CUL1: variants seen among roughly 807,000 people sequenced by gnomAD.
CUL1 encodes the protein cullin-1.
CUL1 carries 24 observed loss-of-function variants against 118.0 expected under a neutral mutation model. The observed-to-expected ratio is 0.20, with a 90% CI of 0.15 to 0.29. The LOEUF is 0.29. CUL1 is among the 10% of genes least tolerant of loss of function. The probability of loss-of-function intolerance (pLI) is 1.00; values close to 1 mark genes in which losing one functional copy is unlikely to be tolerated. For synonymous variants in CUL1, 332 were observed against 340.4 expected (o/e 0.98, Z 0.27); for missense variants, 361 against 933.8 (o/e 0.39, Z 7.99).
intron 17 of CUL1, among the ~76,000 whole-genome samples, chr7:148,793,788 G>T (rs1801096413): frequency 6.6e-6 from 1 of 152,174 alleles, no homozygotes. Context: ...GAATTGCTGA[G>T]TCATGTAATA....
chr7:148,797,970 G>A lies in CUL1; in HGVS notation c.1981G>A (p.Val661Met). 3.1e-6 allele frequency: 5 copies of A among 1,612,638 alleles called. No homozygotes were observed. Among genetic ancestry groups the A allele is most frequent in the Non-Finnish European group, 4.2e-6 (5 of 1,178,976 alleles). The change falls in exon 19 of 22, where the codon GTG (valine) becomes ATG (methionine). Residue 661 changes from valine (V) to methionine (M), a missense_variant. By Grantham distance (21) the Val-to-Met change is conservative (BLOSUM62 1). Around this residue, in one of 7 missense-constraint regions of CUL1, gnomAD observed 84 missense variants for 203.3 expected, o/e 0.41. Coordinates refer to ENST00000325222, the MANE Select transcript of CUL1 (RefSeq NM_003592.3). ...AGATGAAAATGCAAATGTTGATGAG[G>A]TGGAATTGAAGCCAGATACCTTAAT... ...LEDENANVDE[V>M]ELKPDTLIKL...
intron 2 of CUL1, among the ~76,000 whole-genome samples, chr7:148,749,278 G>T (rs531437635): frequency 6.6e-6 from 1 of 151,850 alleles, no homozygotes; most frequent in Non-Finnish European, 1.5e-5. Flanking sequence ...TTAGCTGGGC[G>T]TGGTGATGCA....
At chr7:148,730,539 A>T (rs1342808419) in intron 2 of CUL1, among the ~76,000 whole-genome samples, 1 of 152,206 alleles carries the variant, frequency 6.6e-6, no homozygotes, top group Non-Finnish European at 1.5e-5. Flanking sequence ...TGTGATTAAT[A>T]AATAAAACAT....
chr7:148,759,300 C>T lies in CUL1; in HGVS notation c.484-4C>T, dbSNP rs1421735991. ...ATAGACATTTTGTACTTTTTTTTCT[C>T]CAGCTTGCATTGGTGACTTGGAGAG... On this transcript the variant is annotated splice_region_variant and splice_polypyrimidine_tract_variant and intron_variant, in intron 4 of 21. Coordinates refer to ENST00000325222, the MANE Select transcript of CUL1 (RefSeq NM_003592.3). 6.2e-7 allele frequency: 1 copy of T among 1,612,994 alleles called. No homozygotes were observed. The highest frequency in any genetic ancestry group is 8.5e-7 in the Non-Finnish European group (1 of 1,179,392).
At chr7:148,789,681 A>G in intron 14 of CUL1, 69 bp from the exon 15 acceptor site, 2 of 1,248,584 alleles carry the variant, frequency 1.6e-6, no homozygotes, top group South Asian at 2.5e-5. Context: ...GAAATGATTG[A>G]ATTTTTCAGT....
intron 7 of CUL1, among the ~76,000 whole-genome samples, chr7:148,761,050 G>C (rs1348334511): frequency 2.0e-5 from 3 of 152,096 alleles, no homozygotes; most frequent in Admixed American, 1.3e-4. Flanking sequence ...ATAGGGTCTC[G>C]CTATTTTTGT....
intron 1 of CUL1, among the ~76,000 whole-genome samples, chr7:148,725,219 G>GCGCGCGCGCACACACACACACACA: frequency 3.6e-5 from 5 of 140,150 alleles, no homozygotes; most frequent in Non-Finnish European, 6.1e-5. Context: ...ACACGCGCGC[G>GCGCGCGCGCACACACACACACACA]CTCACACACA....
At chr7:148,709,047 C>T (rs983547149) in intron 1 of CUL1, among the ~76,000 whole-genome samples, 3 of 152,068 alleles carry the variant, frequency 2.0e-5, no homozygotes, top group Non-Finnish European at 1.5e-5. Context: ...TTATGGTAAA[C>T]ATAGGTGAGC....
Position 148,786,561 on chromosome 7 carries a change from C to G in CUL1, c.1309C>G (p.Pro437Ala). 1 of 1,613,386 alleles carries G rather than the reference C, an allele frequency of 6.2e-7. No homozygotes were observed. The highest frequency in any genetic ancestry group is 8.5e-7 in the Non-Finnish European group (1 of 1,179,650). Residue 437 changes from proline (P) to alanine (A), a missense_variant, in exon 12 of 22, where the codon CCA becomes GCA. Physicochemically the swap from Pro to Ala is conservative, Grantham distance 27. Transcript: ENST00000325222. ...TTTTAAAATTTTCAGTTCCAAGAAC[C>G]CAGAGGAGGCAGAACTAGAAGACAC... ...DSLLKKSSKN[P>A]EEAELEDTLN...
chr7:148,735,236 C>T (rs925553013), intron 2 of CUL1, among the ~76,000 whole-genome samples: 3 of 152,202 alleles, frequency 2.0e-5, no homozygotes, highest in African/African-American at 7.2e-5. Flanking sequence ...TGCTGGGGGT[C>T]GGGGCACTTT....
At chr7:148,750,674 T>C (rs781430621) in intron 2 of CUL1, among the ~76,000 whole-genome samples, 3 of 152,156 alleles carry the variant, frequency 2.0e-5, no homozygotes, top group Non-Finnish European at 2.9e-5. Context: ...CACCTAGGAT[T>C]TTCATAGCTA....
At chr7:148,752,062 G>T (rs1799507927) in intron 2 of CUL1, among the ~76,000 whole-genome samples, 1 of 152,050 alleles carries the variant, frequency 6.6e-6, no homozygotes, top group African/African-American at 2.4e-5. Context: ...TGTGAGCTGA[G>T]ATCACGCCAT....
rs1801373283 is a variant in CUL1 at position 148,801,096 on chromosome 7, G to A, written c.*514G>A. 6.5e-6 allele frequency: 1 copy of A among 152,696 alleles called. No individual in the cohort carries two copies. The highest frequency in any genetic ancestry group is 2.4e-5 in the African/African-American group (1 of 41,440). 9.5% of individuals were successfully genotyped at this position (152,696 alleles called of 1,614,324 possible). On this transcript the variant is annotated 3_prime_UTR_variant, in exon 22 of 22. Coordinates refer to ENST00000325222, the MANE Select transcript of CUL1 (RefSeq NM_003592.3). ...TCTATATGTAAATAAAAGATATAAT[G>A]ATTGTGCAAATTTATATTCCTAGTG...
At chr7:148,734,989 C>G (rs574950837) in intron 2 of CUL1, among the ~76,000 whole-genome samples, 86 of 152,214 alleles carry the variant, frequency 5.6e-4, no homozygotes, top group African/African-American at 1.9e-3. Context: ...ATTGCTGTGG[C>G]CTGAATCAGT....
intron 1 of CUL1, among the ~76,000 whole-genome samples, chr7:148,723,292 A>G (rs1266294243): frequency 6.6e-6 from 1 of 152,140 alleles, no homozygotes; most frequent in Non-Finnish European, 1.5e-5. Context: ...CCCCTGAGGA[A>G]CTGTGGTTCC....
At chr7:148,772,747 G>A (rs1369746743) in intron 9 of CUL1, among the ~76,000 whole-genome samples, 1 of 152,156 alleles carries the variant, frequency 6.6e-6, no homozygotes, top group Non-Finnish European at 1.5e-5. Context: ...GCACAGAGGT[G>A]GCAGCTGTGT....
chr7:148,727,746 G>A (rs538934359), intron 1 of CUL1, among the ~76,000 whole-genome samples: 3 of 152,204 alleles, frequency 2.0e-5, no homozygotes, highest in African/African-American at 7.2e-5. Flanking sequence ...ATCCTGTGGC[G>A]GGGAAAGGAG....
At chr7:148,788,433 C>A in intron 13 of CUL1, 124 bp from the exon 14 acceptor site, 1 of 640,046 alleles carries the variant, frequency 1.6e-6, no homozygotes. Context: ...CAAAATGTTA[C>A]TAGCTTTGCT....
intron 2 of CUL1, among the ~76,000 whole-genome samples, chr7:148,753,239 G>T (rs1225741809): frequency 1.3e-5 from 2 of 152,074 alleles, no homozygotes; most frequent in East Asian, 1.9e-4. Flanking sequence ...ATCTTTCTGA[G>T]TATAAGTATC....
Sources: allele counts gnomAD v4.1 joint callset (sites outside exome capture counted in the v4.1 genomes callset), GRCh38; gene constraint gnomAD v4.1.1; regional missense constraint gnomAD v4.1.1; transcripts MANE v1.5; gene names NCBI Gene and HGNC (gene_info 2026-07-23, HGNC 2026-07-21).